Variants in CDA observed in about 807,000 individuals in gnomAD.
CDA encodes the protein cytidine deaminase, also known as cytidine aminohydrolase.
A neutral mutation model predicts 15.0 loss-of-function variants in CDA; 7 were observed. The observed-to-expected ratio is 0.47, with a 90% CI of 0.26 to 0.87. The LOEUF is 0.87. CDA is among the 40% of genes least tolerant of loss of function. CDA has a pLI of 0.15. For missense variants in CDA, 159 were observed against 182.7 expected (o/e 0.87, Z 0.75); for synonymous variants, 58 against 73.0 (o/e 0.79, Z 1.05).
chr1:20,591,244 G>A (rs1038906366), intron 1 of CDA, among the ~76,000 whole-genome samples: 5 of 152,152 alleles, frequency 3.3e-5, no homozygotes, highest in Admixed American at 2.0e-4. Context: ...GGGAGGCTGA[G>A]GCAGGAGAAT....
intron 3 of CDA, 46 bp from the exon 4 acceptor site, chr1:20,618,397 TCTCAGCCCC>T: frequency 1.0e-6 from 1 of 1,000,850 alleles, no homozygotes; most frequent in East Asian, 2.5e-5. Flanking sequence ...ACCCAGTCCG[TCTCAGCCCC>T]CTCAGCCACG....
At chr1:20,593,777 G>A (rs772935396) in intron 1 of CDA, among the ~76,000 whole-genome samples, 10 of 152,106 alleles carry the variant, frequency 6.6e-5, no homozygotes, top group Admixed American at 1.3e-4. Flanking sequence ...GTCTTGCTAC[G>A]TTGCCCAGGT....
chr1:20,591,208 A>G (rs818200), intron 1 of CDA, among the ~76,000 whole-genome samples: 86,333 of 151,802 alleles, frequency 0.57, 24,992 homozygotes, highest in Non-Finnish European at 0.61. Flanking sequence ...GGGCGTGGTG[A>G]TGGGTGCCTG....
Position 20,605,434 on chromosome 1 carries a change from C to T in CDA, c.266+395C>T, listed in dbSNP as rs899675358. 3.4e-4 allele frequency among the ~76,000 whole-genome samples: 52 copies of T among 151,144 alleles called. 3 individuals are homozygous for T. The highest frequency in any genetic ancestry group is 2.0e-4 in the East Asian group (1 of 5,120). ...CAGCACTTTGGGAGGCCAAGATGGG[C>T]AGATCACGAGGTCAGGAGATCGAAA... On this transcript the variant is annotated intron_variant, in intron 2 of 3. Transcript: ENST00000375071.
intron 2 of CDA, among the ~76,000 whole-genome samples, chr1:20,612,531 C>G (rs1468900023): frequency 6.6e-6 from 1 of 152,030 alleles, no homozygotes; most frequent in Non-Finnish European, 1.5e-5. Flanking sequence ...AAGAAAACAA[C>G]CCCCTTTAAC....
At chr1:20,598,766 C>T (rs186544061) in intron 1 of CDA, among the ~76,000 whole-genome samples, 22 of 152,306 alleles carry the variant, frequency 1.4e-4, no homozygotes, top group African/African-American at 5.3e-4. Context: ...AAATGCCCCA[C>T]CTCCTAATAG....
rs187884654 is a variant in CDA, at chr1:20,593,292, T to C, written c.154+4009T>C. Among the ~76,000 whole-genome samples the C allele has an allele frequency of 6.6e-4, 101 of 152,182 alleles. 1 individual carries two copies. The highest frequency in any genetic ancestry group is 2.4e-3 in the African/African-American group (98 of 41,518). ...CAATGGAGTGAGCTCACTAAGGACT[T>C]CATTTAGATGACCTCCTGTAATATC... On this transcript the variant is annotated intron_variant, in intron 1 of 3. Coordinates refer to ENST00000375071, the MANE Select transcript of CDA (RefSeq NM_001785.3).
rs755323531 is a variant in CDA, at chr1:20,618,567, G to A, written c.440G>A (p.Ter147=). The change falls in exon 4 of 4, where the codon TGA becomes TAA. Residue 147 remains the stop codon, a stop_retained_variant. Coordinates refer to ENST00000375071, the MANE Select transcript of CDA (RefSeq NM_001785.3). ...FGPEDLQKTQ[*] is the part of the protein sequence containing the mutation. ...CCTGAGGACCTGCAGAAGACCCAGT[G>A]ACAGCCAGAGAATGCCCACTGCCTG... is the stretch of plus-strand genomic sequence containing the variant. The A allele has an allele frequency of 5.7e-6, 9 of 1,571,008 alleles. No homozygotes were observed. The African/African-American group carries it at 1.1e-4, about 19-fold the overall frequency.
chr1:20,610,370 C>T (rs1267265031), intron 2 of CDA, among the ~76,000 whole-genome samples: 3 of 150,030 alleles, frequency 2.0e-5, no homozygotes, highest in Non-Finnish European at 4.4e-5. Context: ...GGCATGATCT[C>T]GGCTCACTGC....
intron 1 of CDA, among the ~76,000 whole-genome samples, chr1:20,595,763 C>T (rs904565824): frequency 6.0e-5 from 9 of 150,458 alleles, no homozygotes; most frequent in African/African-American, 1.5e-4. Context: ...TGGCCTGAGC[C>T]CCGGTGGTGG....
chr1:20,615,490 T>C (rs969468882), intron 3 of CDA, among the ~76,000 whole-genome samples: 4 of 110,554 alleles, frequency 3.6e-5, no homozygotes, highest in African/African-American at 9.9e-5. Flanking sequence ...AAAAAAGGAA[T>C]AAAACAAAAC....
chr1:20,592,435 CAG>C (rs1189078246), intron 1 of CDA, among the ~76,000 whole-genome samples: 1 of 152,146 alleles, frequency 6.6e-6, no homozygotes, highest in Non-Finnish European at 1.5e-5. Context: ...TATCTGGAGG[CAG>C]ATTGTGGAGG....
chr1:20,617,632 G>T (rs1054584395), intron 3 of CDA, among the ~76,000 whole-genome samples: 2 of 152,030 alleles, frequency 1.3e-5, no homozygotes, highest in African/African-American at 4.8e-5. Flanking sequence ...TTCCGCCATG[G>T]TTGTGAGGCT....
rs760754305 is a variant in CDA, at chr1:20,610,261, C to CTTTTTTTT, written c.267-3576_267-3569dup. On this transcript the variant is annotated intron_variant, in intron 2 of 3. Transcript: ENST00000375071. ...CTGGCACATTCTAGGCACACATTAT[C>CTTTTTTTT]TTTTTTTTTTTTATTTTATTTTATT... Among the ~76,000 whole-genome samples, 107 of 62,812 alleles carry CTTTTTTTT rather than the reference C, an allele frequency of 1.7e-3. 6 individuals carry two copies. The highest frequency in any genetic ancestry group is 0.011 in the Middle Eastern group (1 of 92). The allele number at this position is 62,812 out of a possible 152,430, so 41.2% of individuals were successfully genotyped here. A position where few individuals can be genotyped will look rare whatever the true frequency, so the allele number is the denominator to read the frequency against.
intron 2 of CDA, among the ~76,000 whole-genome samples, chr1:20,612,956 A>AAT (rs1332137386): frequency 2.6e-5 from 4 of 151,602 alleles, no homozygotes; most frequent in Non-Finnish European, 5.9e-5. Flanking sequence ...AAAAAAAAAA[A>AAT]AAAAAAGCCT....
chr1:20,612,769 C>G (rs924296016), intron 2 of CDA, among the ~76,000 whole-genome samples: 2 of 151,844 alleles, frequency 1.3e-5, no homozygotes, highest in Non-Finnish European at 2.9e-5. Context: ...ATAGTGAAAC[C>G]CCGTCTCTAC....
At position 20,618,717 on chromosome 1, in the gene CDA, G is replaced by A. The variant is rs574286774; in HGVS notation, c.*149G>A. The stretch of plus-strand genomic sequence containing the variant: ...CCAGATTACACTCCAGCCTGAGTCA[G>A]CACCCCTCCTAGCAACCTGCCTTGG... On this transcript the variant is annotated 3_prime_UTR_variant, in exon 4 of 4. Transcript: ENST00000375071. The A allele has an allele frequency of 6.4e-5, 43 of 675,860 alleles. No individual in the cohort carries two copies. Among genetic ancestry groups the A allele is most frequent in the African/African-American group, 6.0e-4 (34 of 56,550 alleles). The allele number at this position is 675,860 out of a possible 1,614,324, so 41.9% of individuals were successfully genotyped here.
At chr1:20,613,763 A>C in intron 2 of CDA, 79 bp from the exon 3 acceptor site, 1 of 1,351,912 alleles carries the variant, frequency 7.4e-7, no homozygotes, top group African/African-American at 1.4e-5. Flanking sequence ...GAACAGACCG[A>C]GTCTCAGGGC....
At chr1:20,613,456 C>T (rs571357886) in intron 2 of CDA, among the ~76,000 whole-genome samples, 4 of 152,284 alleles carry the variant, frequency 2.6e-5, no homozygotes, top group Admixed American at 6.5e-5. Flanking sequence ...CCACCCACCT[C>T]GGCCTCCCAA....
Sources: allele counts gnomAD v4.1 joint callset (sites outside exome capture counted in the v4.1 genomes callset), GRCh38; gene constraint gnomAD v4.1.1; transcripts MANE v1.5; gene names NCBI Gene and HGNC (gene_info 2026-07-23, HGNC 2026-07-21).